SPMIP2: variants seen among roughly 807,000 people sequenced by gnomAD.
The protein encoded by SPMIP2 is protein SPMIP2.
the SPMIP2 span, among the ~76,000 whole-genome samples, chr4:159,081,125 C>T: frequency 6.6e-6 from 1 of 151,822 alleles, no homozygotes; most frequent in South Asian, 2.1e-4. Flanking sequence ...GCAACCTCCA[C>T]CTCCCGGGTT....
the SPMIP2 span, among the ~76,000 whole-genome samples, chr4:159,053,158 G>A: frequency 1.3e-5 from 2 of 150,498 alleles, no homozygotes; most frequent in South Asian, 2.1e-4. Context: ...GGGTTTCACC[G>A]TTTTAGCCGG....
At chr4:158,961,819 A>C in the SPMIP2 span, among the ~76,000 whole-genome samples, 3 of 152,124 alleles carry the variant, frequency 2.0e-5, no homozygotes, top group Non-Finnish European at 4.4e-5. Context: ...AATGAAATGC[A>C]TCATGATTTA....
chr4:158,912,183 T>A, the SPMIP2 span, among the ~76,000 whole-genome samples: 1 of 152,200 alleles, frequency 6.6e-6, no homozygotes, highest in Non-Finnish European at 1.5e-5. Context: ...ATAGAAGAAG[T>A]GGTTTAGAGA....
At chr4:159,057,432 T>C in the SPMIP2 span, among the ~76,000 whole-genome samples, 4 of 152,216 alleles carry the variant, frequency 2.6e-5, no homozygotes, top group Non-Finnish European at 5.9e-5. Context: ...AAAGATTAAT[T>C]ACATCAAGGA....
At chr4:158,964,013 G>T in the SPMIP2 span, among the ~76,000 whole-genome samples, 2 of 152,120 alleles carry the variant, frequency 1.3e-5, no homozygotes, top group South Asian at 2.1e-4. Flanking sequence ...AAATTAGCCA[G>T]GCATGGTGGC....
chr4:158,959,391 G>A, the SPMIP2 span, among the ~76,000 whole-genome samples: 6 of 152,106 alleles, frequency 3.9e-5, no homozygotes, highest in East Asian at 9.6e-4. Context: ...TTTCTTTGTG[G>A]CTTTAAATAT....
chr4:158,903,340 G>A, the SPMIP2 span, among the ~76,000 whole-genome samples: 2 of 152,082 alleles, frequency 1.3e-5, no homozygotes, highest in Non-Finnish European at 2.9e-5. Context: ...AGATGAGCCG[G>A]GTACATCAGT....
At chr4:159,054,547 TC>T in the SPMIP2 span, among the ~76,000 whole-genome samples, 1 of 152,096 alleles carries the variant, frequency 6.6e-6, no homozygotes, top group African/African-American at 2.4e-5. Context: ...CTCACACCTC[TC>T]CCCAGTCCAC....
chr4:159,028,004 T>C, the SPMIP2 span, among the ~76,000 whole-genome samples: 1 of 152,202 alleles, frequency 6.6e-6, no homozygotes, highest in African/African-American at 2.4e-5. Flanking sequence ...CTAGTAGGTA[T>C]ATGATGGCTG....
At chr4:158,905,654 A>G in the SPMIP2 span, 2 of 151,126 alleles carry the variant, frequency 1.3e-5, no homozygotes, top group Non-Finnish European at 2.9e-5. Context: ...TAACTTACAC[A>G]TTGTATAAAA....
the SPMIP2 span, among the ~76,000 whole-genome samples, chr4:159,066,006 T>C: frequency 6.6e-6 from 1 of 152,202 alleles, no homozygotes; most frequent in Non-Finnish European, 1.5e-5. Flanking sequence ...TATGTATGTG[T>C]CTTTACTTCC....
chr4:158,947,891 C>T, the SPMIP2 span, among the ~76,000 whole-genome samples: 4 of 152,084 alleles, frequency 2.6e-5, no homozygotes, highest in Non-Finnish European at 5.9e-5. Context: ...TTTACATATA[C>T]ATAATAGAGT....
At chr4:159,022,055 T>C in the SPMIP2 span, among the ~76,000 whole-genome samples, 1 of 152,238 alleles carries the variant, frequency 6.6e-6, no homozygotes, top group Admixed American at 6.5e-5. Context: ...TTGCTCTGTT[T>C]CCGTTTTATG....
At chr4:158,894,871 T>C in the SPMIP2 span, among the ~76,000 whole-genome samples, 1 of 152,198 alleles carries the variant, frequency 6.6e-6, no homozygotes, top group Non-Finnish European at 1.5e-5. Context: ...AGATATTTTT[T>C]CCATGTCGTT....
the SPMIP2 span, among the ~76,000 whole-genome samples, chr4:158,977,444 C>A: frequency 6.6e-6 from 1 of 152,004 alleles, no homozygotes; most frequent in Non-Finnish European, 1.5e-5. Flanking sequence ...GTGATCTCCC[C>A]TTTATCATTT....
the SPMIP2 span, among the ~76,000 whole-genome samples, chr4:158,933,333 C>T: frequency 2.6e-5 from 4 of 152,132 alleles, no homozygotes; most frequent in Non-Finnish European, 4.4e-5. Context: ...TGCCAGTGTT[C>T]TTGTTTCTTT....
the SPMIP2 span, chr4:158,906,326 A>G: frequency 2.6e-5 from 4 of 152,306 alleles, no homozygotes; most frequent in South Asian, 2.1e-4. Flanking sequence ...AGTTTAAAGC[A>G]TTCCCCTCGT....
the SPMIP2 span, among the ~76,000 whole-genome samples, chr4:158,970,620 A>G: frequency 6.6e-6 from 1 of 151,990 alleles, no homozygotes; most frequent in South Asian, 2.1e-4. Context: ...GTAGAGGGAG[A>G]GATGAGTAGA....
the SPMIP2 span, among the ~76,000 whole-genome samples, chr4:158,962,867 G>GA: frequency 1.3e-5 from 2 of 151,142 alleles, no homozygotes; most frequent in African/African-American, 4.9e-5. Flanking sequence ...CTTGTTAAAG[G>GA]AAAAAAAAAG....
Sources: gnomAD v4.1 joint callset for allele counts (sites outside exome capture counted in the v4.1 genomes callset) on GRCh38, gnomAD v4.1.1 for gene constraint, MANE v1.5 for transcripts, NCBI Gene and HGNC (gene_info 2026-07-23, HGNC 2026-07-21) for gene names.